The following SLC24A2 variants were observed in gnomAD, a reference collection of about 807,000 sequenced individuals.
The protein encoded by SLC24A2 is solute carrier family 24 member 2.
A neutral mutation model predicts 62.0 loss-of-function variants in SLC24A2; 36 were observed. The ratio of observed to expected loss-of-function variants is 0.58; its 90% CI spans 0.44 to 0.77. The LOEUF is 0.77. Among genes scored for constraint, SLC24A2 ranks in the 30% least tolerant of loss-of-function variants. SLC24A2 has a pLI of 0.00. For missense variants in SLC24A2, 846 were observed against 817.9 expected, an observed-to-expected ratio of 1.03 and a Z score of -0.42; for synonymous variants, 358 against 294.0, an observed-to-expected ratio of 1.22 and a Z score of -2.23.
chr9:19,999,483 T>G, the SLC24A2 span, among the ~76,000 whole-genome samples: 1 of 152,232 alleles, frequency 6.6e-6, no homozygotes, highest in Non-Finnish European at 1.5e-5. Flanking sequence ...GATGTATGGG[T>G]AGCAACTCAT....
chr9:19,905,159 C>T, the SLC24A2 span, among the ~76,000 whole-genome samples: 2 of 152,074 alleles, frequency 1.3e-5, no homozygotes, highest in Non-Finnish European at 2.9e-5. Flanking sequence ...AGGGAGGAAA[C>T]AAAAAGCCCA....
chr9:19,845,934 C>A, the SLC24A2 span, among the ~76,000 whole-genome samples: 1 of 151,856 alleles, frequency 6.6e-6, no homozygotes, highest in Non-Finnish European at 1.5e-5. Flanking sequence ...TATTTTTATT[C>A]CACTGTGGCC....
At chr9:19,922,217 T>C in the SLC24A2 span, among the ~76,000 whole-genome samples, 1 of 152,216 alleles carries the variant, frequency 6.6e-6, no homozygotes, top group Non-Finnish European at 1.5e-5. Flanking sequence ...ATAAGCCATC[T>C]TCCTAAGTAT....
chr9:19,854,800 T>G, the SLC24A2 span, among the ~76,000 whole-genome samples: 2 of 152,208 alleles, frequency 1.3e-5, no homozygotes, highest in Admixed American at 6.5e-5. Flanking sequence ...TAGATGTCTA[T>G]CAGGTCCACT....
the SLC24A2 span, among the ~76,000 whole-genome samples, chr9:20,045,419 C>CTTA: frequency 1.3e-4 from 20 of 151,710 alleles, no homozygotes; most frequent in South Asian, 2.3e-3. Flanking sequence ...AAAGGAACAC[C>CTTA]TTATTATTAT....
At chr9:19,760,326 T>C (rs1822280503) in intron 2 of SLC24A2, among the ~76,000 whole-genome samples, 1 of 152,198 alleles carries the variant, frequency 6.6e-6, no homozygotes. Context: ...TCCTCTGCTG[T>C]GTAATTCCCA....
the SLC24A2 span, among the ~76,000 whole-genome samples, chr9:20,072,004 G>A: frequency 2.6e-5 from 4 of 152,194 alleles, no homozygotes; most frequent in Admixed American, 2.0e-4. Flanking sequence ...CCCAAGCACA[G>A]GAACTTCTGT....
At chr9:19,677,144 G>C (rs1419984619) in intron 2 of SLC24A2, among the ~76,000 whole-genome samples, 1 of 152,206 alleles carries the variant, frequency 6.6e-6, no homozygotes, top group African/African-American at 2.4e-5. Context: ...GTTCACTGCA[G>C]CACTATTCAC....
At chr9:19,651,147 A>G (rs774792568) in intron 2 of SLC24A2, among the ~76,000 whole-genome samples, 1 of 152,190 alleles carries the variant, frequency 6.6e-6, no homozygotes, top group Non-Finnish European at 1.5e-5. Flanking sequence ...CAGTTATCCT[A>G]TGGTATGCAA....
the SLC24A2 span, among the ~76,000 whole-genome samples, chr9:19,863,028 C>T: frequency 2.0e-5 from 3 of 151,906 alleles, no homozygotes; most frequent in Non-Finnish European, 1.5e-5. Context: ...TAAAGACACA[C>T]ACTGACTGAA....
chr9:20,171,121 C>A, the SLC24A2 span, among the ~76,000 whole-genome samples: 170 of 151,996 alleles, frequency 1.1e-3, 2 homozygotes, highest in African/African-American at 3.9e-3. Flanking sequence ...CAAAACTAAG[C>A]CTTATAAATG....
At chr9:19,833,763 T>A in the SLC24A2 span, among the ~76,000 whole-genome samples, 1 of 152,346 alleles carries the variant, frequency 6.6e-6, no homozygotes, top group East Asian at 1.9e-4. Flanking sequence ...GATCTGAGAA[T>A]AGGCAGACTG....
chr9:19,724,556 A>G (rs184561711), intron 2 of SLC24A2, among the ~76,000 whole-genome samples: 1 of 152,316 alleles, frequency 6.6e-6, no homozygotes, highest in Admixed American at 6.5e-5. Context: ...GCTAAAAGCT[A>G]ACATTATTAA....
intron 2 of SLC24A2, among the ~76,000 whole-genome samples, chr9:19,774,280 A>G (rs1308706793): frequency 9.9e-5 from 15 of 152,186 alleles, no homozygotes; most frequent in Admixed American, 9.8e-4. Flanking sequence ...CCCTATGAGG[A>G]AAATGCTATT....
At chr9:20,030,100 G>A in the SLC24A2 span, among the ~76,000 whole-genome samples, 1 of 152,180 alleles carries the variant, frequency 6.6e-6, no homozygotes, top group Non-Finnish European at 1.5e-5. Context: ...GACCTAGAGA[G>A]CAGCATATGC....
the SLC24A2 span, among the ~76,000 whole-genome samples, chr9:19,797,752 C>G: frequency 1.4e-3 from 214 of 152,316 alleles, 1 homozygote; most frequent in African/African-American, 4.8e-3. Context: ...TCAGCTTTGC[C>G]TGATGTCCTA....
At chr9:19,961,933 C>T in the SLC24A2 span, among the ~76,000 whole-genome samples, 9 of 152,188 alleles carry the variant, frequency 5.9e-5, no homozygotes, top group African/African-American at 1.7e-4. Context: ...TGAACCAGAA[C>T]CACCCAGATA....
chr9:20,277,368 A>T, the SLC24A2 span, among the ~76,000 whole-genome samples: 27 of 151,356 alleles, frequency 1.8e-4, 1 homozygote, highest in African/African-American at 5.7e-4. Context: ...GAATCTACAA[A>T]GAACTTAAAC....
At chr9:20,183,582 T>C in the SLC24A2 span, among the ~76,000 whole-genome samples, 2 of 152,206 alleles carry the variant, frequency 1.3e-5, no homozygotes, top group African/African-American at 4.8e-5. Context: ...ACTTGTAGAG[T>C]TGCCCAACCT....
Sources: gnomAD v4.1 joint callset for allele counts (sites outside exome capture counted in the v4.1 genomes callset) on GRCh38, gnomAD v4.1.1 for gene constraint, MANE v1.5 for transcripts, NCBI Gene and HGNC (gene_info 2026-07-23, HGNC 2026-07-21) for gene names.